The following SGK3 variants were observed in gnomAD, a reference collection of about 807,000 sequenced individuals.
SGK3 encodes the protein serine/threonine-protein kinase Sgk3.
A neutral mutation model predicts 68.5 loss-of-function variants in SGK3; 47 were observed. The ratio of observed to expected loss-of-function variants is 0.69; its 90% confidence interval spans 0.54 to 0.87. SGK3 has a LOEUF of 0.87. Ranked by LOEUF, SGK3 falls within the 40% of genes least tolerant of loss-of-function variation. The probability of loss-of-function intolerance (pLI) is 0.00; values close to 1 mark genes in which losing one functional copy is unlikely to be tolerated. For synonymous variants in SGK3, 181 were observed against 189.1 expected (o/e 0.96, Z 0.35); for missense variants, 479 against 575.5 (o/e 0.83, Z 1.72).
chr8:66,734,845 G>A (rs1805271524), intron 1 of SGK3, among the ~76,000 whole-genome samples: 1 of 151,848 alleles, frequency 6.6e-6, no homozygotes, highest in South Asian at 2.1e-4. Context: ...TACTCAGGAG[G>A]CTGAGGCAGG....
chr8:66,795,734 T>C (rs1444960483), intron 2 of SGK3, among the ~76,000 whole-genome samples: 4 of 152,198 alleles, frequency 2.6e-5, no homozygotes, highest in Admixed American at 6.5e-5. Context: ...AATCACCTTA[T>C]TCGTTTACTT....
intron 2 of SGK3, among the ~76,000 whole-genome samples, chr8:66,794,240 G>T (rs541026221): frequency 6.6e-6 from 1 of 152,096 alleles, no homozygotes; most frequent in East Asian, 1.9e-4. Context: ...ATTTAATTCA[G>T]TATTTTATTT....
rs771419726 is a variant in SGK3 at position 66,793,709 on chromosome 8, AT to A, written c.-22del. ...CTCTGCTGACTGTTTCTTCGGATGCATTTTTTGGTGTGCTCTTGAGGGATTA... is the reference window on the plus strand; with the variant it reads ...CTCTGCTGACTGTTTCTTCGGATGCATTTTTGGTGTGCTCTTGAGGGATTA... On this transcript the variant is annotated 5_prime_UTR_variant, in exon 2 of 17. The change abolishes the stop of an existing upstream ORF in the 5' untranslated region. Transcript: ENST00000521198. 35 of 1,604,714 alleles carry A rather than the reference AT, an allele frequency of 2.2e-5. No individual in the cohort carries two copies. Among genetic ancestry groups the A allele is most frequent in the Non-Finnish European group, 2.8e-5 (33 of 1,174,972 alleles).
intron 1 of SGK3, among the ~76,000 whole-genome samples, chr8:66,772,841 A>G (rs1208678852): frequency 6.6e-6 from 1 of 151,120 alleles, no homozygotes; most frequent in African/African-American, 2.4e-5. Context: ...CTCAAACTCC[A>G]CTCTTGAGCT....
At chr8:66,799,778 C>T (rs760543820) in intron 3 of SGK3, among the ~76,000 whole-genome samples, 16 of 152,162 alleles carry the variant, frequency 1.1e-4, no homozygotes, top group East Asian at 7.7e-4. Flanking sequence ...TGAGCTACCA[C>T]GCCTGGCTAG....
chr8:66,817,978 G>C (rs1294555173), intron 5 of SGK3, among the ~76,000 whole-genome samples: 1 of 152,102 alleles, frequency 6.6e-6, no homozygotes, highest in African/African-American at 2.4e-5. Flanking sequence ...TGTCATGGTG[G>C]CATGTGCCGG....
chr8:66,738,020 T>A (rs1805374047), intron 1 of SGK3, among the ~76,000 whole-genome samples: 2 of 152,080 alleles, frequency 1.3e-5, no homozygotes, highest in Non-Finnish European at 2.9e-5. Context: ...ATTCAACATT[T>A]ATAAAACAAA....
At chr8:66,744,178 T>A (rs1430220078) in intron 1 of SGK3, among the ~76,000 whole-genome samples, 1 of 152,024 alleles carries the variant, frequency 6.6e-6, no homozygotes, top group Admixed American at 6.6e-5. Context: ...TGACCGATAG[T>A]TTGGCTGGTT....
chr8:66,828,830 G>T, intron 7 of SGK3, 127 bp downstream of exon 7: 1 of 1,206,208 alleles, frequency 8.3e-7, no homozygotes. Flanking sequence ...TAGTTACAGT[G>T]AATACAGTGC....
intron 12 of SGK3, 160 bp from the exon 13 acceptor site, chr8:66,840,864 C>G (rs1049243126): frequency 2.6e-6 from 1 of 383,160 alleles, no homozygotes; most frequent in East Asian, 4.4e-5. Flanking sequence ...ATCGCTTGAA[C>G]CCAGGAGGCA....
At chr8:66,840,896 C>A in intron 12 of SGK3, 128 bp from the exon 13 acceptor site, 1 of 493,140 alleles carries the variant, frequency 2.0e-6, no homozygotes. Context: ...GAGCCGAGAT[C>A]ACACCACTGC....
chr8:66,780,420 G>A (rs1806926103), intron 1 of SGK3, among the ~76,000 whole-genome samples: 1 of 152,176 alleles, frequency 6.6e-6, no homozygotes, highest in African/African-American at 2.4e-5. Flanking sequence ...AATCCTAGTT[G>A]CAATCCATAA....
intron 16 of SGK3, among the ~76,000 whole-genome samples, chr8:66,852,144 A>T (rs781308561): frequency 2.6e-5 from 4 of 152,146 alleles, no homozygotes; most frequent in Non-Finnish European, 5.9e-5. Context: ...TGTGACTTAT[A>T]ATTATAGCAG....
chr8:66,859,246 T>C (rs1810661617), intron 16 of SGK3, among the ~76,000 whole-genome samples, 165 bp from the exon 17 acceptor site: 1 of 152,070 alleles, frequency 6.6e-6, no homozygotes, highest in African/African-American at 2.4e-5. Flanking sequence ...GGCAGGAGAA[T>C]TGCTTGAACC....
chr8:66,831,305 T>C lies in SGK3; in HGVS notation c.519T>C (p.Phe173=). 6.2e-7 allele frequency: 1 copy of C among 1,614,116 alleles called. No homozygotes were observed. Among genetic ancestry groups the C allele is most frequent in the South Asian group, 1.1e-5 (1 of 91,078 alleles). The change falls in exon 8 of 17, where the codon TTT becomes TTC. Residue 173 remains phenylalanine, a synonymous_variant. Transcript: ENST00000521198. Reference sequence around the variant, plus strand: ...TAAAAGTTATTGGAAAAGGCAGCTTTGGCAAGGTAAGAGTGTTTTGTGAGG... The same window carrying C: ...TAAAAGTTATTGGAAAAGGCAGCTTCGGCAAGGTAAGAGTGTTTTGTGAGG... ...DFLKVIGKGS[F]GKVLLAKRKL...
chr8:66,754,796 ACT>A (rs1430780847), intron 1 of SGK3, among the ~76,000 whole-genome samples: 3 of 152,144 alleles, frequency 2.0e-5, no homozygotes, highest in Non-Finnish European at 4.4e-5. Flanking sequence ...ATCATTTCTG[ACT>A]CTGAATTTAT....
At chr8:66,770,079 G>A (rs1024113466) in intron 1 of SGK3, among the ~76,000 whole-genome samples, 15 of 151,712 alleles carry the variant, frequency 9.9e-5, no homozygotes, top group South Asian at 2.1e-4. Flanking sequence ...TCAGCCTCCC[G>A]AGTAGCTGGG....
At chr8:66,736,113 A>G (rs2130381786) in intron 1 of SGK3, among the ~76,000 whole-genome samples, 1 of 152,334 alleles carries the variant, frequency 6.6e-6, no homozygotes, top group South Asian at 2.1e-4. Flanking sequence ...CCCAGATTAT[A>G]GGTCGAATGG....
intron 1 of SGK3, among the ~76,000 whole-genome samples, chr8:66,728,134 A>G (rs1264376994): frequency 6.6e-6 from 1 of 152,170 alleles, no homozygotes; most frequent in South Asian, 2.1e-4. Context: ...CCCACTGTCC[A>G]GTGACTCCCA....
Sources: gnomAD v4.1 joint callset for allele counts (sites outside exome capture counted in the v4.1 genomes callset) on GRCh38, gnomAD v4.1.1 for gene constraint, MANE v1.5 for transcripts, NCBI Gene and HGNC (gene_info 2026-07-23, HGNC 2026-07-21) for gene names.